Variants in TBC1D22A observed in about 807,000 individuals in gnomAD.
The protein encoded by TBC1D22A is putative GTPase activator.
Under a neutral mutation model 60.2 loss-of-function variants are expected in TBC1D22A, and 38 were observed. The observed-to-expected ratio is 0.63, with a 90% CI of 0.49 to 0.83. TBC1D22A has a LOEUF of 0.83. TBC1D22A is among the 40% of genes least tolerant of loss of function. TBC1D22A has a pLI of 0.00. For synonymous variants in TBC1D22A, 302 were observed against 281.7 expected, an observed-to-expected ratio of 1.07 and a Z score of -0.72; for missense variants, 628 against 701.0, an observed-to-expected ratio of 0.90 and a Z score of 1.18.
At chr22:47,146,605 G>A (rs1442675291) in intron 12 of TBC1D22A, among the ~76,000 whole-genome samples, 1 of 152,176 alleles carries the variant, frequency 6.6e-6, no homozygotes, top group African/African-American at 2.4e-5. Context: ...TAATCAAATT[G>A]GATTAGCTTT....
At chr22:47,128,395 C>T in intron 12 of TBC1D22A, among the ~76,000 whole-genome samples, 1 of 121,244 alleles carries the variant, frequency 8.2e-6, no homozygotes, top group Non-Finnish European at 1.7e-5. Flanking sequence ...TCAGGAGTGG[C>T]TAGGGGAGGG....
chr22:47,079,084 CTT>C (rs35269996), intron 11 of TBC1D22A, among the ~76,000 whole-genome samples: 24 of 124,936 alleles, frequency 1.9e-4, no homozygotes, highest in African/African-American at 2.7e-4. Context: ...GTAGAGCAGA[CTT>C]TTTTTTTTTT....
intron 11 of TBC1D22A, among the ~76,000 whole-genome samples, chr22:47,074,269 C>T (rs554360410): frequency 6.6e-6 from 1 of 152,332 alleles, no homozygotes; most frequent in Admixed American, 6.5e-5. Flanking sequence ...AAATGGAGAC[C>T]GATGGAGCTG....
At chr22:47,147,426 C>T (rs1265828335) in intron 12 of TBC1D22A, among the ~76,000 whole-genome samples, 3 of 152,172 alleles carry the variant, frequency 2.0e-5, no homozygotes, top group African/African-American at 7.2e-5. Context: ...GATCCTGCTG[C>T]CGGCCTGGTA....
intron 12 of TBC1D22A, among the ~76,000 whole-genome samples, chr22:47,172,946 G>A (rs1404543682): frequency 1.3e-5 from 2 of 152,252 alleles, no homozygotes; most frequent in African/African-American, 4.8e-5. Context: ...TCTGCTGATG[G>A]TGCTGGTGCC....
At chr22:47,007,668 C>G (rs1309088469) in intron 10 of TBC1D22A, among the ~76,000 whole-genome samples, 2 of 149,446 alleles carry the variant, frequency 1.3e-5, no homozygotes, top group Admixed American at 1.3e-4. Context: ...AGATATAGCC[C>G]TTCCTGGGTG....
chr22:46,791,028 T>C (rs2084382408), intron 1 of TBC1D22A, among the ~76,000 whole-genome samples: 1 of 152,116 alleles, frequency 6.6e-6, no homozygotes, highest in Non-Finnish European at 1.5e-5. Flanking sequence ...GCTCAAGCGA[T>C]CATCCGGCCA....
At chr22:46,812,375 G>A (rs1360945923) in intron 4 of TBC1D22A, among the ~76,000 whole-genome samples, 1 of 152,194 alleles carries the variant, frequency 6.6e-6, no homozygotes, top group Non-Finnish European at 1.5e-5. Context: ...TGTTTGGGTG[G>A]GCTTGTGGTG....
chr22:46,965,126 A>G (rs1434031808), intron 8 of TBC1D22A, among the ~76,000 whole-genome samples: 3 of 152,240 alleles, frequency 2.0e-5, no homozygotes, highest in African/African-American at 4.8e-5. Context: ...TCAGAGCAGC[A>G]AGCTCTTCCA....
In TBC1D22A at chr22:46,947,824, G is replaced by T. The variant is rs1305472794; in HGVS notation, c.1016-26466G>T. The stretch of plus-strand genomic sequence containing the variant: ...CTGGCTCTCCATATCAACCTGTTCA[G>T]TAGTCTGCCTGTTCTTTCTGAGGAT... On this transcript the variant is annotated intron_variant, in intron 8 of 12. Transcript: ENST00000337137. Among the ~76,000 whole-genome samples, 11 of 152,292 alleles carry T rather than the reference G, an allele frequency of 7.2e-5. No homozygotes were observed. The East Asian group carries it at 2.1e-3, about 29-fold the overall frequency.
chr22:46,844,930 C>T (rs2086925393), intron 4 of TBC1D22A, among the ~76,000 whole-genome samples: 1 of 152,160 alleles, frequency 6.6e-6, no homozygotes, highest in Admixed American at 6.5e-5. Context: ...AGTCCTGTGC[C>T]ATAGTCAGAT....
intron 4 of TBC1D22A, among the ~76,000 whole-genome samples, chr22:46,866,185 A>T (rs577330989): frequency 6.6e-6 from 1 of 151,870 alleles, no homozygotes; most frequent in East Asian, 1.9e-4. Flanking sequence ...CCTCACCGCA[A>T]CCTCCTCCTC....
At chr22:46,828,218 C>T (rs984426858) in intron 4 of TBC1D22A, among the ~76,000 whole-genome samples, 15 of 152,168 alleles carry the variant, frequency 9.9e-5, no homozygotes, top group Non-Finnish European at 2.1e-4. Flanking sequence ...TACATTTGCT[C>T]AGCATGATTT....
chr22:47,048,232 G>T (rs1442174883), intron 11 of TBC1D22A, among the ~76,000 whole-genome samples: 1 of 152,134 alleles, frequency 6.6e-6, no homozygotes, highest in Non-Finnish European at 1.5e-5. Context: ...GTGGTTTTGG[G>T]GTTTCACAGT....
intron 12 of TBC1D22A, among the ~76,000 whole-genome samples, chr22:47,126,574 C>G (rs2066466679): frequency 6.6e-6 from 1 of 152,256 alleles, no homozygotes. Flanking sequence ...CACTACACCG[C>G]CAGTGAGCTC....
intron 12 of TBC1D22A, among the ~76,000 whole-genome samples, chr22:47,152,341 T>TC (rs1013586079): frequency 2.4e-4 from 37 of 151,970 alleles, no homozygotes; most frequent in Admixed American, 2.4e-3. Flanking sequence ...CCTACGGGGT[T>TC]CCCCCCCTGG....
Position 47,132,562 on chromosome 22 carries a change from G to A in TBC1D22A, c.1425+20959G>A, listed in dbSNP as rs73889416. 4.3e-3 allele frequency among the ~76,000 whole-genome samples: 652 copies of A among 152,280 alleles called. 10 individuals carry two copies. The highest frequency in any genetic ancestry group is 0.015 in the African/African-American group (614 of 41,556). On this transcript the variant is annotated intron_variant, in intron 12 of 12. Coordinates refer to ENST00000337137, the MANE Select transcript of TBC1D22A (RefSeq NM_014346.5). ...GCAACCCAAACTGACTCCTGCCTCC[G>A]ACCCCACAGGACATGAGCTGCCTCC...
At chr22:46,912,684 G>C (rs993764396) in intron 8 of TBC1D22A, among the ~76,000 whole-genome samples, 1 of 152,192 alleles carries the variant, frequency 6.6e-6, no homozygotes, top group African/African-American at 2.4e-5. Flanking sequence ...AGCCTCCTGA[G>C]TACTTGGGAC....
At chr22:47,120,341 C>T (rs183703981) in intron 12 of TBC1D22A, among the ~76,000 whole-genome samples, 41 of 152,322 alleles carry the variant, frequency 2.7e-4, no homozygotes, top group Admixed American at 7.2e-4. Context: ...GAGATCAGGA[C>T]GATTTCTTCT....
Sources: allele counts gnomAD v4.1 joint callset (sites outside exome capture counted in the v4.1 genomes callset), GRCh38; gene constraint gnomAD v4.1.1; transcripts MANE v1.5; gene names NCBI Gene and HGNC (gene_info 2026-07-23, HGNC 2026-07-21).